FRMD5: variants seen among roughly 807,000 people sequenced by gnomAD.
The protein encoded by FRMD5 is FERM domain-containing protein 5.
A neutral mutation model predicts 69.0 loss-of-function variants in FRMD5; 20 were observed. That is an observed-to-expected ratio of 0.29 (90% CI 0.20 to 0.42). FRMD5 has a LOEUF of 0.42. Among genes scored for constraint, FRMD5 ranks in the 10% least tolerant of loss-of-function variants. The probability of loss-of-function intolerance (pLI) is 1.00; values close to 1 mark genes in which losing one functional copy is unlikely to be tolerated. For missense variants in FRMD5, 595 were observed against 708.6 expected, an observed-to-expected ratio of 0.84 and a Z score of 1.82; for synonymous variants, 271 against 260.1, an observed-to-expected ratio of 1.04 and a Z score of -0.40.
chr15:44,159,359 G>A (rs147966224), intron 1 of FRMD5, among the ~76,000 whole-genome samples: 1 of 152,238 alleles, frequency 6.6e-6, no homozygotes, highest in African/African-American at 2.4e-5. Context: ...AAAGGGCTTT[G>A]TATTCCATGG....
At chr15:43,918,258 T>TA (rs1022144030) in intron 4 of FRMD5, among the ~76,000 whole-genome samples, 1 of 152,150 alleles carries the variant, frequency 6.6e-6, no homozygotes, top group African/African-American at 2.4e-5. Flanking sequence ...ACCCCGTCTC[T>TA]ACTAAAAATA....
At chr15:44,038,520 C>CTTTTTTTTGTTTTTTTTTTTTTTTT (rs1892027479) in intron 1 of FRMD5, among the ~76,000 whole-genome samples, 1 of 63,200 alleles carries the variant, frequency 1.6e-5, no homozygotes, top group African/African-American at 5.7e-5. Flanking sequence ...CTAGCCAGAG[C>CTTTTTTTTGTTTTTTTTTTTTTTTT]TTTTTTTTTT....
chr15:43,904,584 G>T (rs1666705159), intron 6 of FRMD5, among the ~76,000 whole-genome samples: 1 of 151,982 alleles, frequency 6.6e-6, no homozygotes, highest in African/African-American at 2.4e-5. Flanking sequence ...TCGCCATGTT[G>T]CCCAGGCTGG....
intron 1 of FRMD5, among the ~76,000 whole-genome samples, chr15:44,099,173 G>A (rs538285052): frequency 6.6e-6 from 1 of 152,278 alleles, no homozygotes; most frequent in East Asian, 1.9e-4. Context: ...AATCAAGAGA[G>A]GTCGGGAAAT....
At chr15:44,009,064 A>G (rs1890593925) in intron 1 of FRMD5, among the ~76,000 whole-genome samples, 3 of 152,208 alleles carry the variant, frequency 2.0e-5, no homozygotes, top group Non-Finnish European at 4.4e-5. Context: ...TAGCTTCCCG[A>G]CGACAGGAAC....
Position 43,873,545 on chromosome 15 carries a change from AATT to A in FRMD5, c.*337_*339del. On this transcript the variant is annotated 3_prime_UTR_variant, in exon 14 of 14. Transcript: ENST00000417257. The stretch of plus-strand genomic sequence containing the variant: ...TGCAATAATCAGTAATAGTAAAATA[AATT>A]ATTTTTATTTGATACTTCAAAATAA... The A allele has an allele frequency of 1.4e-6, 2 of 1,389,842 alleles. No individual in the cohort carries two copies. Among genetic ancestry groups the A allele is most frequent in the Non-Finnish European group, 1.9e-6 (2 of 1,071,384 alleles). 86.1% of individuals were successfully genotyped at this position (1,389,842 alleles called of 1,614,324 possible).
intron 1 of FRMD5, among the ~76,000 whole-genome samples, chr15:43,972,747 T>C (rs2090401057): frequency 6.6e-6 from 1 of 152,156 alleles, no homozygotes; most frequent in South Asian, 2.1e-4. Context: ...GGTAGTCCCA[T>C]TCACCTTTGA....
At chr15:44,086,325 G>C (rs1473547904) in intron 1 of FRMD5, among the ~76,000 whole-genome samples, 2 of 152,098 alleles carry the variant, frequency 1.3e-5, no homozygotes, top group African/African-American at 4.8e-5. Flanking sequence ...TCCATCAACA[G>C]ATGAATGGAT....
intron 1 of FRMD5, among the ~76,000 whole-genome samples, chr15:43,968,735 G>A (rs1354940789): frequency 1.3e-5 from 2 of 152,058 alleles, no homozygotes; most frequent in African/African-American, 4.8e-5. Context: ...TGTAATTTGA[G>A]GGAAAAACAC....
intron 8 of FRMD5, among the ~76,000 whole-genome samples, chr15:43,889,450 A>G (rs1489299983): frequency 6.6e-6 from 1 of 152,210 alleles, no homozygotes. Flanking sequence ...ACAGTCATGC[A>G]GCGTACTGAC....
chr15:44,032,756 A>G (rs1302030469), intron 1 of FRMD5, among the ~76,000 whole-genome samples: 2 of 152,208 alleles, frequency 1.3e-5, no homozygotes, highest in Non-Finnish European at 1.5e-5. Flanking sequence ...TGTTGGTGGG[A>G]GTGTAAATTA....
intron 1 of FRMD5, among the ~76,000 whole-genome samples, chr15:43,969,844 G>T (rs1400430421): frequency 6.6e-6 from 1 of 152,132 alleles, no homozygotes; most frequent in South Asian, 2.1e-4. Context: ...TTTTCTGGAG[G>T]TAAGAACTAT....
intron 10 of FRMD5, 123 bp downstream of exon 10, chr15:43,888,052 T>C: frequency 3.0e-6 from 2 of 671,126 alleles, no homozygotes; most frequent in Admixed American, 5.7e-5. Flanking sequence ...TCTCAGTAAC[T>C]GTCAAGCTCT....
intron 7 of FRMD5, among the ~76,000 whole-genome samples, chr15:43,901,366 C>T (rs1313888451): frequency 6.6e-6 from 1 of 152,146 alleles, no homozygotes; most frequent in African/African-American, 2.4e-5. Flanking sequence ...GCTTAGTATC[C>T]CCTCTCCAGT....
intron 13 of FRMD5, chr15:43,879,462 G>A (rs534887369): frequency 2.5e-5 from 10 of 398,924 alleles, no homozygotes; most frequent in African/African-American, 1.2e-4. Context: ...AAGGATCTGC[G>A]CTAACTGGCA....
chr15:43,910,894 C>T (rs2089276282), intron 4 of FRMD5, among the ~76,000 whole-genome samples: 1 of 152,246 alleles, frequency 6.6e-6, no homozygotes, highest in Non-Finnish European at 1.5e-5. Flanking sequence ...GGACGTACAA[C>T]TAAGTGAAAG....
chr15:44,158,928 G>A (rs1299577914), intron 1 of FRMD5, among the ~76,000 whole-genome samples: 2 of 152,146 alleles, frequency 1.3e-5, no homozygotes, highest in Non-Finnish European at 2.9e-5. Context: ...AATATCATGG[G>A]CAAGTATCAT....
intron 1 of FRMD5, among the ~76,000 whole-genome samples, chr15:44,043,798 G>C (rs1410442493): frequency 2.6e-5 from 4 of 152,128 alleles, no homozygotes; most frequent in Non-Finnish European, 5.9e-5. Flanking sequence ...AGACTTAAAT[G>C]TAAGACCTAA....
At chr15:43,875,621 G>A (rs978419428) in intron 13 of FRMD5, among the ~76,000 whole-genome samples, 12 of 150,990 alleles carry the variant, frequency 7.9e-5, no homozygotes, top group African/African-American at 2.9e-4. Context: ...GGGAATACAG[G>A]TGTCTGCCAC....
Sources: gnomAD v4.1 joint callset for allele counts (sites outside exome capture counted in the v4.1 genomes callset) on GRCh38, gnomAD v4.1.1 for gene constraint, MANE v1.5 for transcripts, NCBI Gene and HGNC (gene_info 2026-07-23, HGNC 2026-07-21) for gene names.